RABGEF1: variants seen among roughly 807,000 people sequenced by gnomAD.
RABGEF1 encodes the protein RAB guanine nucleotide exchange factor 1.
In RABGEF1, 26 loss-of-function variants were observed where a neutral mutation model predicts 57.3. The observed-to-expected ratio is 0.45, with a 90% CI of 0.33 to 0.63. RABGEF1 has a LOEUF of 0.63. Ranked by LOEUF, RABGEF1 falls within the 20% of genes least tolerant of loss-of-function variation. The pLI is 0.02. For missense variants in RABGEF1, 464 were observed against 607.6 expected, an observed-to-expected ratio of 0.76 and a Z score of 2.48; for synonymous variants, 185 against 210.7, an observed-to-expected ratio of 0.88 and a Z score of 1.06.
chr7:66,716,357 T>C (rs1292895514), intron 2 of RABGEF1, among the ~76,000 whole-genome samples: 1 of 152,206 alleles, frequency 6.6e-6, no homozygotes, highest in Admixed American at 6.5e-5. Flanking sequence ...CCCAGCACTT[T>C]GGGAGGCCGA....
chr7:66,728,735 C>T (rs1478594358), intron 2 of RABGEF1, among the ~76,000 whole-genome samples: 1 of 151,966 alleles, frequency 6.6e-6, no homozygotes, highest in Non-Finnish European at 1.5e-5. Context: ...TCCACCTTCA[C>T]CTCCATCCTC....
chr7:66,658,101 C>G, the RABGEF1 span, among the ~76,000 whole-genome samples: 1 of 152,128 alleles, frequency 6.6e-6, no homozygotes, highest in Admixed American at 6.6e-5. Context: ...GAGGCCGTTA[C>G]TGTGACTTTA....
intron 1 of RABGEF1, among the ~76,000 whole-genome samples, chr7:66,755,324 AT>A (rs1802448419): frequency 6.6e-6 from 1 of 151,738 alleles, no homozygotes; most frequent in Non-Finnish European, 1.5e-5. Context: ...AAAACAAAAA[AT>A]TTAGCCAGGG....
chr7:66,655,967 G>A, the RABGEF1 span, among the ~76,000 whole-genome samples: 12 of 152,276 alleles, frequency 7.9e-5, no homozygotes, highest in African/African-American at 2.4e-4. Flanking sequence ...GGAGGGAGTC[G>A]GGCATTTAGG....
At chr7:66,675,644 T>C in the RABGEF1 span, among the ~76,000 whole-genome samples, 1 of 152,122 alleles carries the variant, frequency 6.6e-6, no homozygotes, top group Non-Finnish European at 1.5e-5. Context: ...AAATAAAATT[T>C]TTCATGAACG....
At position 66,697,655 on chromosome 7, in the gene RABGEF1, G is replaced by A. The variant is rs117221182; in HGVS notation, c.-872-14512G>A. 1.0e-2 allele frequency among the ~76,000 whole-genome samples: 1,519 copies of A among 152,232 alleles called. 15 individuals carry two copies. The highest frequency in any genetic ancestry group is 0.017 in the Non-Finnish European group (1,185 of 68,010). On this transcript the variant is annotated intron_variant and NMD_transcript_variant, in intron 1 of 9. Transcript: ENST00000607882. Reference sequence around the variant, plus strand: ...TATTCTTGGCCTCACCATTCACTGAGGATTAGCAGGGCGGGGGTAGCTGGG... The same window carrying A: ...TATTCTTGGCCTCACCATTCACTGAAGATTAGCAGGGCGGGGGTAGCTGGG...
At chr7:66,666,894 T>A in the RABGEF1 span, among the ~76,000 whole-genome samples, 2 of 152,086 alleles carry the variant, frequency 1.3e-5, no homozygotes, top group Non-Finnish European at 2.9e-5. Flanking sequence ...GGGGAAGCCT[T>A]GGGCAGACAC....
upstream of RABGEF1, among the ~76,000 whole-genome samples, chr7:66,738,770 C>T (rs1010427291): frequency 1.3e-5 from 2 of 149,616 alleles, no homozygotes; most frequent in Non-Finnish European, 1.5e-5. Flanking sequence ...TTCTGTTTCA[C>T]AGAATGGTTT....
At chr7:66,709,826 T>G (rs1438810571) in intron 1 of RABGEF1, among the ~76,000 whole-genome samples, 1 of 152,070 alleles carries the variant, frequency 6.6e-6, no homozygotes, top group Non-Finnish European at 1.5e-5. Flanking sequence ...ATCAGGTCAT[T>G]GATTTTGACT....
the RABGEF1 span, among the ~76,000 whole-genome samples, chr7:66,660,359 AAAG>A: frequency 1.6e-4 from 24 of 151,862 alleles, no homozygotes; most frequent in African/African-American, 4.8e-4. Context: ...AAAAAAAAAA[AAAG>A]AAAGAAAAAA....
chr7:66,747,644 C>A (rs1395726572), intron 1 of RABGEF1, among the ~76,000 whole-genome samples: 2 of 152,026 alleles, frequency 1.3e-5, no homozygotes, highest in Non-Finnish European at 2.9e-5. Flanking sequence ...CTCTGTTGTA[C>A]AGAGGAAATT....
At chr7:66,678,247 C>G (rs1789427639), upstream of RABGEF1, among the ~76,000 whole-genome samples, 1 of 151,836 alleles carries the variant, frequency 6.6e-6, no homozygotes, top group Non-Finnish European at 1.5e-5. Flanking sequence ...ATTTTTAGAC[C>G]AAAATATTTG....
At chr7:66,728,089 C>T (rs1349061018) in intron 2 of RABGEF1, among the ~76,000 whole-genome samples, 2 of 152,206 alleles carry the variant, frequency 1.3e-5, no homozygotes, top group South Asian at 2.1e-4. Flanking sequence ...CTCCTCATCA[C>T]CCCCAGCAGC....
At chr7:66,745,044 T>C (rs1799883107) in intron 1 of RABGEF1, among the ~76,000 whole-genome samples, 1 of 151,988 alleles carries the variant, frequency 6.6e-6, no homozygotes, top group Non-Finnish European at 1.5e-5. Context: ...TACAAAAAAT[T>C]AGCCGGGCAT....
At chr7:66,729,810 G>A (rs1342701868) in intron 2 of RABGEF1, among the ~76,000 whole-genome samples, 1 of 152,230 alleles carries the variant, frequency 6.6e-6, no homozygotes, top group Non-Finnish European at 1.5e-5. Context: ...GCTGCCTTGT[G>A]GAGCACGTCT....
At chr7:66,756,234 A>G (rs1802681050) in intron 1 of RABGEF1, among the ~76,000 whole-genome samples, 2 of 152,196 alleles carry the variant, frequency 1.3e-5, no homozygotes, top group South Asian at 4.2e-4. Flanking sequence ...ACGTTAAATG[A>G]TTTTTTTTGT....
At chr7:66,779,903 C>T (rs1199563063) in intron 3 of RABGEF1, among the ~76,000 whole-genome samples, 1 of 152,138 alleles carries the variant, frequency 6.6e-6, no homozygotes. Context: ...CTCACTTTCC[C>T]CTCTCTAATC....
intron 1 of RABGEF1, among the ~76,000 whole-genome samples, chr7:66,760,932 G>A (rs1330450281): frequency 6.6e-6 from 1 of 152,138 alleles, no homozygotes; most frequent in Non-Finnish European, 1.5e-5. Context: ...CCTGGCCCTG[G>A]GGAAGGGATT....
chr7:66,743,496 G>A (rs927728168), intron 1 of RABGEF1, among the ~76,000 whole-genome samples: 1 of 151,408 alleles, frequency 6.6e-6, no homozygotes, highest in African/African-American at 2.4e-5. Context: ...TAGCTTGCCT[G>A]GCTAAATTTT....
Sources: allele counts gnomAD v4.1 joint callset (sites outside exome capture counted in the v4.1 genomes callset), GRCh38; gene constraint gnomAD v4.1.1; transcripts MANE v1.5; gene names NCBI Gene and HGNC (gene_info 2026-07-23, HGNC 2026-07-21).